THSD7B: variants seen among roughly 807,000 people sequenced by gnomAD.
THSD7B encodes the protein thrombospondin type-1 domain-containing protein 7B.
Under a neutral mutation model 213.6 loss-of-function variants are expected in THSD7B, and 138 were observed. The observed-to-expected ratio is 0.65, with a 90% confidence interval of 0.56 to 0.74. The LOEUF (loss-of-function observed/expected upper bound fraction) is 0.74. Among genes scored for constraint, THSD7B ranks in the 30% least tolerant of loss-of-function variants. The probability of loss-of-function intolerance (pLI) is 0.00; values close to 1 mark genes in which losing one functional copy is unlikely to be tolerated. For missense variants in THSD7B, 1,931 were observed against 1,991.5 expected (o/e 0.97, Z 0.58); for synonymous variants, 742 against 687.0 (o/e 1.08, Z -1.25).
chr2:137,098,248 C>T (rs4954371), intron 4 of THSD7B, among the ~76,000 whole-genome samples: 43,111 of 151,992 alleles, frequency 0.28, 9,259 homozygotes, highest in African/African-American at 0.59. Flanking sequence ...TTTAGAATAC[C>T]GTTTGACTTT....
chr2:137,521,421 G>T (rs1164067221), intron 15 of THSD7B, among the ~76,000 whole-genome samples: 2 of 152,020 alleles, frequency 1.3e-5, no homozygotes, highest in Non-Finnish European at 2.9e-5. Context: ...TAAATAAATT[G>T]TAATAAGTCA....
intron 6 of THSD7B, among the ~76,000 whole-genome samples, chr2:137,168,997 T>C (rs1420324179): frequency 6.6e-6 from 1 of 151,868 alleles, no homozygotes; most frequent in African/African-American, 2.4e-5. Context: ...GGTATGGAGG[T>C]ATAAAGCACG....
intron 3 of THSD7B, among the ~76,000 whole-genome samples, chr2:137,077,822 C>T (rs58615724): frequency 0.086 from 12,809 of 148,722 alleles, 771 homozygotes; most frequent in African/African-American, 0.17. Context: ...AGAAGCTCTT[C>T]TGTTTAATTA....
chr2:137,020,884 A>T (rs909645476), intron 2 of THSD7B, among the ~76,000 whole-genome samples: 1 of 152,202 alleles, frequency 6.6e-6, no homozygotes, highest in Non-Finnish European at 1.5e-5. Context: ...GCAATCTACA[A>T]TAGTTCACAC....
chr2:136,882,769 T>A (rs1244092540), intron 2 of THSD7B, among the ~76,000 whole-genome samples: 1 of 152,178 alleles, frequency 6.6e-6, no homozygotes, highest in Non-Finnish European at 1.5e-5. Context: ...GCATGAAAAA[T>A]TATCCTGACA....
At chr2:137,218,093 A>G (rs2105041393) in intron 7 of THSD7B, among the ~76,000 whole-genome samples, 1 of 152,336 alleles carries the variant, frequency 6.6e-6, no homozygotes, top group East Asian at 1.9e-4. Flanking sequence ...GCAGGCAATA[A>G]TTGTCAATAT....
intron 10 of THSD7B, among the ~76,000 whole-genome samples, chr2:137,256,069 T>C (rs1008056090): frequency 2.0e-5 from 3 of 152,188 alleles, no homozygotes; most frequent in Non-Finnish European, 4.4e-5. Flanking sequence ...TGTATTATTT[T>C]CTCACAGCAA....
At chr2:137,518,849 C>T (rs930163103) in intron 15 of THSD7B, among the ~76,000 whole-genome samples, 10 of 152,160 alleles carry the variant, frequency 6.6e-5, no homozygotes, top group East Asian at 1.9e-4. Flanking sequence ...ACTGAGCCTT[C>T]GATATGGCAC....
intron 2 of THSD7B, among the ~76,000 whole-genome samples, chr2:137,044,804 G>A (rs922804979): frequency 1.3e-5 from 2 of 152,156 alleles, no homozygotes; most frequent in Non-Finnish European, 2.9e-5. Flanking sequence ...TATGAAGGGA[G>A]GTGAATGGCG....
At chr2:137,185,350 A>G (rs1680531825) in intron 7 of THSD7B, among the ~76,000 whole-genome samples, 1 of 151,966 alleles carries the variant, frequency 6.6e-6, no homozygotes, top group African/African-American at 2.4e-5. Context: ...TGAATCCATC[A>G]CCCAAGAAAT....
intron 4 of THSD7B, among the ~76,000 whole-genome samples, chr2:137,114,214 T>C (rs529635342): frequency 2.2e-4 from 34 of 152,220 alleles, no homozygotes; most frequent in Non-Finnish European, 1.2e-4. Context: ...GATATGTCAA[T>C]GTTACTTAGG....
intron 17 of THSD7B, among the ~76,000 whole-genome samples, chr2:137,593,233 C>T (rs982327760): frequency 1.2e-4 from 18 of 151,888 alleles, no homozygotes; most frequent in Admixed American, 6.6e-5. Flanking sequence ...TGCAACCGTT[C>T]TGTAAAAGGT....
chr2:136,962,496 AG>A (rs1406842405), intron 2 of THSD7B, among the ~76,000 whole-genome samples: 1 of 137,058 alleles, frequency 7.3e-6, no homozygotes, highest in Non-Finnish European at 1.5e-5. Flanking sequence ...AGAGTCGTGG[AG>A]AGTTGGGATG....
rs546181300 is a variant in THSD7B at position 136,827,946 on chromosome 2, G to C, written c.-35-54198G>C. ...TAATTTCTAATAAGTGATTTGAAGA[G>C]TGTGTGTGTGTGTGCCTGTGTATGT... On this transcript the variant is annotated intron_variant, in intron 1 of 27. Transcript: ENST00000409968. 7.3e-5 allele frequency among the ~76,000 whole-genome samples: 11 copies of C among 151,556 alleles called. No individual in the cohort carries two copies. In the South Asian group the frequency reaches 2.3e-3, roughly 32 times the overall value.
chr2:137,646,122 G>C (rs1683026943), intron 21 of THSD7B, among the ~76,000 whole-genome samples: 1 of 152,158 alleles, frequency 6.6e-6, no homozygotes, highest in Non-Finnish European at 1.5e-5. Flanking sequence ...ACTGTGTGCT[G>C]TGGTCTGAAT....
chr2:136,887,007 T>C (rs1170411032), intron 2 of THSD7B, among the ~76,000 whole-genome samples: 1 of 152,212 alleles, frequency 6.6e-6, no homozygotes, highest in East Asian at 1.9e-4. Context: ...ATTTGTGATC[T>C]GGCATAGGTA....
intron 17 of THSD7B, among the ~76,000 whole-genome samples, chr2:137,583,479 A>G (rs1357685628): frequency 6.6e-6 from 1 of 152,192 alleles, no homozygotes; most frequent in East Asian, 1.9e-4. Context: ...TAGGTCTAAC[A>G]TTTAAGTCTT....
chr2:137,318,219 T>G (rs1305139813), intron 12 of THSD7B, among the ~76,000 whole-genome samples: 1 of 152,196 alleles, frequency 6.6e-6, no homozygotes, highest in Non-Finnish European at 1.5e-5. Flanking sequence ...GGGCTTGGGT[T>G]TTCTTCCTGA....
At chr2:137,675,149 G>C (rs1447464085) in intron 27 of THSD7B, among the ~76,000 whole-genome samples, 1 of 152,024 alleles carries the variant, frequency 6.6e-6, no homozygotes, top group African/African-American at 2.4e-5. Flanking sequence ...GTTAATTGAT[G>C]AATGGCTACC....
Sources: allele counts gnomAD v4.1 joint callset (sites outside exome capture counted in the v4.1 genomes callset), GRCh38; gene constraint gnomAD v4.1.1; transcripts MANE v1.5; gene names NCBI Gene and HGNC (gene_info 2026-07-23, HGNC 2026-07-21).